The following ADAMTS6 variants were observed in gnomAD, a reference collection of about 807,000 sequenced individuals.
The protein encoded by ADAMTS6 is A disintegrin and metalloproteinase with thrombospondin motifs 6.
A neutral mutation model predicts 144.3 loss-of-function variants in ADAMTS6; 23 were observed. That is an observed-to-expected ratio of 0.16 (90% CI 0.11 to 0.23). ADAMTS6 has a LOEUF of 0.23. Among genes scored for constraint, ADAMTS6 ranks in the 10% least tolerant of loss-of-function variants. The pLI is 1.00. For synonymous variants in ADAMTS6, 444 were observed against 457.5 expected, an observed-to-expected ratio of 0.97 and a Z score of 0.38; for missense variants, 999 against 1,379.6, an observed-to-expected ratio of 0.72 and a Z score of 4.37.
At chr5:65,382,541 T>C (rs1416562667) in intron 7 of ADAMTS6, among the ~76,000 whole-genome samples, 1 of 152,256 alleles carries the variant, frequency 6.6e-6, no homozygotes, top group African/African-American at 2.4e-5. Context: ...CACTTAAGAA[T>C]TTCAAGATGA....
chr5:65,403,763 A>T (rs1754158006), intron 7 of ADAMTS6, among the ~76,000 whole-genome samples: 1 of 152,092 alleles, frequency 6.6e-6, no homozygotes, highest in African/African-American at 2.4e-5. Flanking sequence ...CCACACACAT[A>T]TACAAATAAT....
intron 7 of ADAMTS6, among the ~76,000 whole-genome samples, chr5:65,437,127 CT>C (rs1213592514): frequency 6.6e-6 from 1 of 150,536 alleles, no homozygotes; most frequent in Non-Finnish European, 1.5e-5. Context: ...CAGAGTCTCG[CT>C]CTGTTGTCCA....
In ADAMTS6 at chr5:65,323,212, C is replaced by T. The variant is rs570884919; in HGVS notation, c.1223+6166G>A. Among the ~76,000 whole-genome samples the T allele has an allele frequency of 2.0e-5, 3 of 151,136 alleles. 1 individual carries two copies. The South Asian group carries it at 6.3e-4, about 32-fold the overall frequency. On this transcript the variant is annotated intron_variant, in intron 9 of 24. Coordinates refer to ENST00000381055, the MANE Select transcript of ADAMTS6 (RefSeq NM_197941.4). ...ACATGTGCCATGTTGGTGTGCTGCA[C>T]CCATTAACTCGTCATTTAGCATTAG...
At chr5:65,240,409 C>T (rs1306241189) in intron 15 of ADAMTS6, among the ~76,000 whole-genome samples, 1 of 152,092 alleles carries the variant, frequency 6.6e-6, no homozygotes, top group Non-Finnish European at 1.5e-5. Context: ...TGATGGTTGT[C>T]TCTTAGGAGG....
chr5:65,376,260 AT>A (rs974503295), intron 7 of ADAMTS6, among the ~76,000 whole-genome samples: 2 of 152,078 alleles, frequency 1.3e-5, no homozygotes, highest in Non-Finnish European at 2.9e-5. Context: ...TTAAAGTAAA[AT>A]AATAATAAAA....
intron 14 of ADAMTS6, among the ~76,000 whole-genome samples, chr5:65,252,431 C>T (rs916696445): frequency 1.1e-4 from 17 of 151,704 alleles, no homozygotes; most frequent in South Asian, 2.1e-4. Flanking sequence ...TTAGTAGAGA[C>T]GGTGTCCCAC....
intron 14 of ADAMTS6, among the ~76,000 whole-genome samples, chr5:65,244,678 T>C (rs1216897936): frequency 6.6e-6 from 1 of 152,166 alleles, no homozygotes; most frequent in Non-Finnish European, 1.5e-5. Context: ...GAGGTAGATA[T>C]AATTAATAAT....
At chr5:65,279,141 C>T (rs889713262) in intron 11 of ADAMTS6, among the ~76,000 whole-genome samples, 2 of 152,014 alleles carry the variant, frequency 1.3e-5, no homozygotes, top group African/African-American at 2.4e-5. Flanking sequence ...CACAGAGTTT[C>T]ACCATGTTGC....
chr5:65,368,172 T>C (rs1750483632), intron 7 of ADAMTS6, among the ~76,000 whole-genome samples: 1 of 152,294 alleles, frequency 6.6e-6, no homozygotes, highest in Middle Eastern at 3.4e-3. Flanking sequence ...CAATTTCACA[T>C]TTCCCTGTAG....
chr5:65,157,216 T>C (rs899383263), intron 24 of ADAMTS6, among the ~76,000 whole-genome samples: 11 of 152,244 alleles, frequency 7.2e-5, no homozygotes, highest in Non-Finnish European at 1.3e-4. Flanking sequence ...ACCTGTTTCA[T>C]AGGCAACACA....
chr5:65,275,393 AAGAAAG>A (rs1479455183), intron 11 of ADAMTS6, among the ~76,000 whole-genome samples: 2 of 147,630 alleles, frequency 1.4e-5, no homozygotes, highest in African/African-American at 2.6e-5. Flanking sequence ...GAAAGAAAGA[AAGAAAG>A]AAAGAAAGAA....
chr5:65,304,670 A>G (rs1743759651), intron 9 of ADAMTS6, among the ~76,000 whole-genome samples: 1 of 152,104 alleles, frequency 6.6e-6, no homozygotes, highest in Non-Finnish European at 1.5e-5. Flanking sequence ...GGCTCAAGTG[A>G]TCCTCCCATC....
At chr5:65,459,994 G>A (rs1321481084) in intron 4 of ADAMTS6, among the ~76,000 whole-genome samples, 176 bp downstream of exon 4, 2 of 152,110 alleles carry the variant, frequency 1.3e-5, no homozygotes, top group Non-Finnish European at 2.9e-5. Context: ...TTCTCAAAGA[G>A]CTCCCAAATT....
chr5:65,204,556 A>G (rs565481162), intron 20 of ADAMTS6, among the ~76,000 whole-genome samples: 1 of 152,294 alleles, frequency 6.6e-6, no homozygotes, highest in East Asian at 1.9e-4. Flanking sequence ...AAGTGACCTG[A>G]GAGGAGGGAA....
chr5:65,151,538 T>C lies in ADAMTS6; in HGVS notation c.*298A>G, dbSNP rs1383077699. 9.1e-6 allele frequency: 3 copies of C among 328,836 alleles called. No individual in the cohort carries two copies. Among genetic ancestry groups the C allele is most frequent in the Non-Finnish European group, 1.7e-5 (3 of 178,760 alleles). 20.4% of individuals were successfully genotyped at this position (328,836 alleles called of 1,614,324 possible). A position where few individuals can be genotyped will look rare whatever the true frequency, so the allele number is the denominator to read the frequency against. ...ATGGTCCAAGGAGGTAAACAGGCTA[T>C]TGGATTTACTCGAAAGAACACAAAC... On this transcript the variant is annotated 3_prime_UTR_variant, in exon 25 of 25. Transcript: ENST00000381055.
chr5:65,360,041 C>A lies in ADAMTS6; in HGVS notation c.1074-25956G>T, dbSNP rs180974641. On this transcript the variant is annotated intron_variant, in intron 7 of 24. Transcript: ENST00000381055. ...GTATGTATATCAGTCTGCTCTTGCA[C>A]TGCTATAAAGAAATACCTGAGACTG... 4.6e-5 allele frequency among the ~76,000 whole-genome samples: 7 copies of A among 152,268 alleles called. No individual in the cohort carries two copies. In the East Asian group the frequency reaches 1.3e-3, roughly 29 times the overall value.
At chr5:65,430,548 T>C (rs1180066120) in intron 7 of ADAMTS6, among the ~76,000 whole-genome samples, 1 of 152,188 alleles carries the variant, frequency 6.6e-6, no homozygotes, top group Non-Finnish European at 1.5e-5. Context: ...TAAACTTTTT[T>C]GCTCTCTCAG....
intron 7 of ADAMTS6, among the ~76,000 whole-genome samples, chr5:65,376,013 A>C (rs1341121364): frequency 3.3e-5 from 5 of 152,090 alleles, no homozygotes; most frequent in Non-Finnish European, 7.4e-5. Context: ...TTGCAAGAAC[A>C]AAAAAACAAA....
intron 9 of ADAMTS6, among the ~76,000 whole-genome samples, chr5:65,307,777 G>A (rs188773433): frequency 9.9e-5 from 15 of 152,140 alleles, no homozygotes; most frequent in African/African-American, 3.6e-4. Flanking sequence ...CTCTGGTCCT[G>A]TTTCTTGTGA....
Sources: allele counts gnomAD v4.1 joint callset (sites outside exome capture counted in the v4.1 genomes callset), GRCh38; gene constraint gnomAD v4.1.1; transcripts MANE v1.5; gene names NCBI Gene and HGNC (gene_info 2026-07-23, HGNC 2026-07-21).